PLEKHG4B: variants seen among roughly 807,000 people sequenced by gnomAD.
The protein encoded by PLEKHG4B is pleckstrin homology domain-containing family G member 4B.
PLEKHG4B carries 111 observed loss-of-function variants against 121.3 expected under a neutral mutation model. The ratio of observed to expected loss-of-function variants is 0.92; its 90% CI spans 0.78 to 1.07. The LOEUF is 1.07. PLEKHG4B is among the 50% of genes least tolerant of loss of function. The probability of loss-of-function intolerance (pLI) is 0.00; values close to 1 mark genes in which losing one functional copy is unlikely to be tolerated. For synonymous variants in PLEKHG4B, 738 were observed against 725.0 expected, an observed-to-expected ratio of 1.02 and a Z score of -0.29; for missense variants, 1,831 against 1,757.8, an observed-to-expected ratio of 1.04 and a Z score of -0.74.
At chr5:110,223 A>ACG (rs1734103387) in intron 1 of PLEKHG4B, among the ~76,000 whole-genome samples, 7 of 136,364 alleles carry the variant, frequency 5.1e-5, no homozygotes, top group East Asian at 2.6e-4. Context: ...TCTGCAACAC[A>ACG]TGCACACACC....
At chr5:110,787 C>G (rs1330833521) in intron 1 of PLEKHG4B, among the ~76,000 whole-genome samples, 13 of 152,292 alleles carry the variant, frequency 8.5e-5, no homozygotes, top group Non-Finnish European at 2.9e-5. Context: ...CGTGCACACA[C>G]CCGCACCGTC....
chr5:99,124 C>G (rs1205939169), intron 1 of PLEKHG4B, among the ~76,000 whole-genome samples: 3 of 140,114 alleles, frequency 2.1e-5, no homozygotes, highest in African/African-American at 8.1e-5. Flanking sequence ...CCATTGCACT[C>G]TAGCCCAGGT....
In PLEKHG4B at chr5:140,041, T is replaced by C. The variant is rs1217835140; in HGVS notation, c.802T>C (p.Tyr268His). The C allele has an allele frequency of 4.6e-6, 2 of 432,320 alleles. No individual in the cohort carries two copies. The highest frequency in any genetic ancestry group is 8.1e-6 in the Non-Finnish European group (2 of 246,032). The allele number at this position is 432,320 out of a possible 1,614,324, so 26.8% of individuals were successfully genotyped here. The change falls in exon 3 of 20, where the codon TAT (tyrosine) becomes CAT (histidine). Residue 268 changes from tyrosine (Y) to histidine (H), a missense_variant. By Grantham distance (83) the Tyr-to-His change is moderately conservative. Coordinates refer to ENST00000637938, the MANE Select transcript of PLEKHG4B (RefSeq NM_052909.5). The part of the protein sequence containing the change: ...TGSDQLRHLP[Y>H]PERAELGSPR... ...CAGCGACCAGCTCAGGCACCTTCCT[T>C]ATCCAGAAAGAGCCGAGCTGGGAAG...
chr5:124,113 A>G (rs1258833292), intron 2 of PLEKHG4B, among the ~76,000 whole-genome samples: 1 of 152,028 alleles, frequency 6.6e-6, no homozygotes, highest in East Asian at 1.9e-4. Context: ...TTTTTGATCC[A>G]TTGTTGATTA....
intron 13 of PLEKHG4B, among the ~76,000 whole-genome samples, chr5:164,672 A>G (rs72720461): frequency 0.3 from 23,359 of 77,918 alleles, 6,570 homozygotes; most frequent in South Asian, 0.49. Context: ...TCACACTAAT[A>G]CTCTGACAGG....
rs1214836512 is a variant in PLEKHG4B at position 163,118 on chromosome 5, G to A, written c.3046G>A (p.Ala1016Thr). The change falls in exon 13 of 20, where the codon GCG becomes ACG. Residue 1016 changes from alanine to threonine, a missense_variant. Coordinates refer to ENST00000637938, the MANE Select transcript of PLEKHG4B (RefSeq NM_052909.5). ...ACCACTGTCCGGCCTCCCTGGACGA[G>A]CGCTTCTGTGTGGACAGGACGGGGA... ...AQPLSGLPGR[A>T]LLCGQDGETL... The A allele has an allele frequency of 5.8e-6, 9 of 1,564,658 alleles. No homozygotes were observed. The highest frequency in any genetic ancestry group is 7.8e-6 in the Non-Finnish European group (9 of 1,155,106).
chr5:111,313 AGGCCCTGAGTGGCCCCAGT>A (rs1734150704), intron 1 of PLEKHG4B, among the ~76,000 whole-genome samples: 1 of 152,266 alleles, frequency 6.6e-6, no homozygotes, highest in Non-Finnish European at 1.5e-5. Context: ...GGCCTGGCCC[AGGCCCTGAGTGGCCCCAGT>A]GGGAGTCATC....
intron 12 of PLEKHG4B, among the ~76,000 whole-genome samples, chr5:162,298 C>T (rs1226050024): frequency 1.5e-5 from 2 of 133,568 alleles, no homozygotes; most frequent in African/African-American, 2.9e-5. Flanking sequence ...CGCCTGCGAG[C>T]TCCCCCGCGC....
chr5:166,402 C>CA (rs1736341763), intron 13 of PLEKHG4B, among the ~76,000 whole-genome samples: 1 of 77,612 alleles, frequency 1.3e-5, no homozygotes, highest in African/African-American at 3.7e-5. Flanking sequence ...TCTGACGGGG[C>CA]GGAGCTCACA....
chr5:134,395 A>G (rs2126387068), intron 2 of PLEKHG4B, among the ~76,000 whole-genome samples: 1 of 151,968 alleles, frequency 6.6e-6, no homozygotes. Context: ...GGGTGCGCCA[A>G]AATCTCAGAA....
intron 1 of PLEKHG4B, among the ~76,000 whole-genome samples, chr5:96,231 A>C (rs1733623657): frequency 6.6e-6 from 1 of 152,216 alleles, no homozygotes; most frequent in Admixed American, 6.5e-5. Flanking sequence ...CTTGAGTGAT[A>C]ATAGCTTTGC....
In PLEKHG4B at chr5:139,216, C is replaced by T. The variant is rs369298067; in HGVS notation, c.244-267C>T. On this transcript the variant is annotated intron_variant, in intron 2 of 19. Coordinates refer to ENST00000637938, the MANE Select transcript of PLEKHG4B (RefSeq NM_052909.5). The surrounding 1 kb of genome is among the most constrained non-coding windows in gnomAD (Gnocchi z 5.0). ...CTGTGGCCCTCGAGTGGCCTCCTCT[C>T]CCCTGTCCTGCCCACCTACCCCCAG... Among the ~76,000 whole-genome samples, 233 of 152,334 alleles carry T rather than the reference C, an allele frequency of 1.5e-3. 5 individuals are homozygous for T. In the South Asian group the frequency reaches 0.048, roughly 31 times the overall value.
intron 2 of PLEKHG4B, among the ~76,000 whole-genome samples, chr5:127,383 G>A (rs1734653575): frequency 1.8e-5 from 1 of 57,014 alleles, no homozygotes; most frequent in Admixed American, 1.6e-4. Flanking sequence ...ATTATTATAG[G>A]CTGCCTCTGT....
At chr5:169,627 G>C (rs750072786) in intron 14 of PLEKHG4B, 35 bp downstream of exon 14, 1 of 1,605,318 alleles carries the variant, frequency 6.2e-7, no homozygotes, top group Non-Finnish European at 8.5e-7. Flanking sequence ...GCCGGGCAAC[G>C]TGGTGGGTGA....
At chr5:171,184 G>T in intron 15 of PLEKHG4B, 30 bp from the exon 16 acceptor site, 1 of 1,603,552 alleles carries the variant, frequency 6.2e-7, no homozygotes, top group Non-Finnish European at 8.5e-7. Context: ...CAGCCAGGCC[G>T]GAGCTGACCC....
chr5:116,792 G>A (rs1438734387), intron 2 of PLEKHG4B, among the ~76,000 whole-genome samples: 1 of 152,216 alleles, frequency 6.6e-6, no homozygotes, highest in African/African-American at 2.4e-5. Context: ...GTGTCTTTTG[G>A]TTAGAATGAC....
chr5:143,639 G>T (rs1470484710), intron 5 of PLEKHG4B, 136 bp downstream of exon 5: 4 of 1,102,566 alleles, frequency 3.6e-6, no homozygotes, highest in Non-Finnish European at 3.9e-6. Flanking sequence ...TTTCAGAGCA[G>T]TCAGCACCCA....
chr5:167,369 C>G (rs1736385541), intron 13 of PLEKHG4B, among the ~76,000 whole-genome samples: 1 of 152,198 alleles, frequency 6.6e-6, no homozygotes, highest in Non-Finnish European at 1.5e-5. Flanking sequence ...TTTCTGCCCA[C>G]AGCTGTGCTT....
Position 156,891 on chromosome 5 carries a change from C to G in PLEKHG4B, c.2467C>G (p.Leu823Val), listed in dbSNP as rs1175290369. The change falls in exon 11 of 20, where the codon CTC becomes GTC. Residue 823 changes from leucine (L) to valine (V), a missense_variant. By Grantham distance (32) the Leu-to-Val change is conservative (BLOSUM62 1). Transcript: ENST00000637938. This position sits in a 1 kb window ranked among gnomAD's most constrained non-coding sequence, Gnocchi z 4.4. ...GGAGCACCTCCGGGAGCTGGCGTCACTCCTGGAAGGGAATGACCAGGTCAG... is the reference window on the plus strand; with the variant it reads ...GGAGCACCTCCGGGAGCTGGCGTCAGTCCTGGAAGGGAATGACCAGGTCAG... Reference protein sequence around the residue: ...QLEHLRELASLLEGNDQQSCQ... With the variant: ...QLEHLRELASVLEGNDQQSCQ... The G allele has an allele frequency of 1.1e-5, 17 of 1,611,738 alleles. No homozygotes were observed. Among genetic ancestry groups the G allele is most frequent in the Non-Finnish European group, 1.3e-5 (15 of 1,179,426 alleles).
Sources: gnomAD v4.1 joint callset for allele counts (sites outside exome capture counted in the v4.1 genomes callset) on GRCh38, gnomAD v4.1.1 for gene constraint, Gnocchi (gnomAD v3.1) non-coding constraint, MANE v1.5 for transcripts, NCBI Gene and HGNC (gene_info 2026-07-23, HGNC 2026-07-21) for gene names.